LGR5: variants seen among roughly 807,000 people sequenced by gnomAD.
LGR5 encodes the protein leucine-rich repeat-containing G protein-coupled receptor 5.
In LGR5, 54 loss-of-function variants were observed where a neutral mutation model predicts 76.7. The ratio of observed to expected loss-of-function variants is 0.70; its 90% CI spans 0.57 to 0.88. The LOEUF (loss-of-function observed/expected upper bound fraction) is 0.88. Among genes scored for constraint, LGR5 ranks in the 40% least tolerant of loss-of-function variants. The pLI, the probability that LGR5 is intolerant of heterozygous loss-of-function variation, is 0.00. For synonymous variants in LGR5, 406 were observed against 421.9 expected, an observed-to-expected ratio of 0.96 and a Z score of 0.46; for missense variants, 1,078 against 1,073.3, an observed-to-expected ratio of 1.00 and a Z score of -0.06.
chr12:71,550,575 C>T (rs1429915482), intron 4 of LGR5, among the ~76,000 whole-genome samples: 2 of 151,724 alleles, frequency 1.3e-5, no homozygotes, highest in African/African-American at 4.8e-5. Context: ...ATTCTCCTGC[C>T]TCAGCCTCCC....
intron 2 of LGR5, among the ~76,000 whole-genome samples, chr12:71,511,237 C>T (rs900283000): frequency 6.6e-6 from 1 of 152,116 alleles, no homozygotes; most frequent in Non-Finnish European, 1.5e-5. Flanking sequence ...TCTCTTTTGC[C>T]TTTGATTGCT....
intron 4 of LGR5, among the ~76,000 whole-genome samples, chr12:71,543,636 A>C (rs1294981145): frequency 1.3e-5 from 2 of 152,240 alleles, no homozygotes; most frequent in Non-Finnish European, 2.9e-5. Flanking sequence ...GATTTCTAAC[A>C]GGGAAATTAT....
At chr12:71,553,041 T>G in intron 4 of LGR5, 32 bp from the exon 5 acceptor site, 1 of 1,602,010 alleles carries the variant, frequency 6.2e-7, no homozygotes, top group East Asian at 2.3e-5. Flanking sequence ...GGCTTTGCTC[T>G]CTTTTCCATT....
At chr12:71,575,690 G>A (rs553151063) in intron 13 of LGR5, among the ~76,000 whole-genome samples, 27 of 151,886 alleles carry the variant, frequency 1.8e-4, no homozygotes, top group Non-Finnish European at 3.5e-4. Context: ...CAACCTGGGC[G>A]ACAGAGTGAG....
At chr12:71,575,405 C>T (rs886591807) in intron 13 of LGR5, among the ~76,000 whole-genome samples, 1 of 152,028 alleles carries the variant, frequency 6.6e-6, no homozygotes, top group African/African-American at 2.4e-5. Context: ...TGGGTATATA[C>T]CCCCCAAAAT....
At chr12:71,466,811 A>G (rs559982964) in intron 1 of LGR5, among the ~76,000 whole-genome samples, 7 of 152,254 alleles carry the variant, frequency 4.6e-5, no homozygotes, top group Admixed American at 2.0e-4. Context: ...GGAGATAGGA[A>G]CATAACGATG....
intron 2 of LGR5, among the ~76,000 whole-genome samples, chr12:71,522,918 T>A (rs1475160405): frequency 1.3e-5 from 2 of 152,158 alleles, no homozygotes; most frequent in Non-Finnish European, 2.9e-5. Context: ...ACAAAGCAAG[T>A]TAGTGCTGCA....
At chr12:71,533,703 A>T (rs1876442617) in intron 3 of LGR5, among the ~76,000 whole-genome samples, 1 of 152,242 alleles carries the variant, frequency 6.6e-6, no homozygotes, top group Admixed American at 6.5e-5. Flanking sequence ...CTGAATGCTT[A>T]TCATGTAGCA....
intron 4 of LGR5, among the ~76,000 whole-genome samples, chr12:71,539,418 C>T (rs1876761517): frequency 2.0e-5 from 3 of 152,064 alleles, no homozygotes; most frequent in African/African-American, 7.3e-5. Context: ...CCACTTATTC[C>T]ACATATACAA....
intron 3 of LGR5, among the ~76,000 whole-genome samples, chr12:71,533,909 C>T (rs1876453227): frequency 6.6e-6 from 1 of 152,188 alleles, no homozygotes; most frequent in South Asian, 2.1e-4. Flanking sequence ...ACACAGTCAG[C>T]ACATATGCCT....
intron 1 of LGR5, among the ~76,000 whole-genome samples, chr12:71,471,604 G>T (rs933744661): frequency 6.6e-6 from 1 of 151,642 alleles, no homozygotes; most frequent in Non-Finnish European, 1.5e-5. Flanking sequence ...TAGGTGAGTT[G>T]TATGGTATAT....
intron 1 of LGR5, chr12:71,441,511 T>C (rs1871768227): frequency 6.6e-6 from 1 of 152,218 alleles, no homozygotes; most frequent in East Asian, 1.9e-4. Flanking sequence ...AGTTCTTCCA[T>C]CTGTTTAGTT....
chr12:71,464,475 G>T (rs1356082222), intron 1 of LGR5, among the ~76,000 whole-genome samples: 1 of 152,154 alleles, frequency 6.6e-6, no homozygotes, highest in Non-Finnish European at 1.5e-5. Context: ...CACTTAATAA[G>T]TGTTTTAGGA....
intron 1 of LGR5, among the ~76,000 whole-genome samples, chr12:71,470,635 A>G (rs1056119325): frequency 6.6e-6 from 1 of 152,238 alleles, no homozygotes; most frequent in Non-Finnish European, 1.5e-5. Flanking sequence ...CAAAATAATG[A>G]GTTTGGGAAA....
chr12:71,483,485 A>G (rs1328424906), intron 1 of LGR5, among the ~76,000 whole-genome samples: 2 of 152,184 alleles, frequency 1.3e-5, no homozygotes, highest in South Asian at 2.1e-4. Context: ...CCTCATGTGT[A>G]TGGTACTTCT....
intron 3 of LGR5, among the ~76,000 whole-genome samples, chr12:71,527,223 C>G (rs1876054088): frequency 6.6e-6 from 1 of 152,178 alleles, no homozygotes; most frequent in Admixed American, 6.5e-5. Flanking sequence ...GACCTAAAGA[C>G]TAATATTCAA....
At chr12:71,534,671 C>A (rs1592521805) in intron 3 of LGR5, among the ~76,000 whole-genome samples, 1 of 152,292 alleles carries the variant, frequency 6.6e-6, no homozygotes, top group East Asian at 1.9e-4. Flanking sequence ...AACAGTTGGT[C>A]CTTTGCTGCT....
rs1009867248 is a variant in LGR5, at chr12:71,489,053, A to G, written c.213-15561A>G. Reference sequence around the variant, plus strand: ...AAGCCTTAATCCATTCTAAAAACAGACACACTATCACAATAATATATTGTT... The same window carrying G: ...AAGCCTTAATCCATTCTAAAAACAGGCACACTATCACAATAATATATTGTT... On this transcript the variant is annotated intron_variant, in intron 1 of 17. Coordinates refer to ENST00000266674, the MANE Select transcript of LGR5 (RefSeq NM_003667.4). Among the ~76,000 whole-genome samples the G allele has an allele frequency of 3.3e-5, 5 of 152,192 alleles. No individual in the cohort carries two copies. The East Asian group carries it at 9.6e-4, about 29-fold the overall frequency.
At chr12:71,491,553 A>G (rs572448675) in intron 1 of LGR5, among the ~76,000 whole-genome samples, 1 of 152,108 alleles carries the variant, frequency 6.6e-6, no homozygotes, top group East Asian at 1.9e-4. Flanking sequence ...ACAGAGTTTT[A>G]TCTGGTAGAA....
Sources: gnomAD v4.1 joint callset for allele counts (sites outside exome capture counted in the v4.1 genomes callset) on GRCh38, gnomAD v4.1.1 for gene constraint, MANE v1.5 for transcripts, NCBI Gene and HGNC (gene_info 2026-07-23, HGNC 2026-07-21) for gene names.